NMRK1: variants seen among roughly 807,000 people sequenced by gnomAD.
The protein encoded by NMRK1 is nicotinamide riboside kinase 1.
In NMRK1, 28 loss-of-function variants were observed where a neutral mutation model predicts 29.9. The ratio of observed to expected loss-of-function variants is 0.94; its 90% CI spans 0.69 to 1.28. NMRK1 has a LOEUF of 1.28. NMRK1 is among the 50% of genes most tolerant of loss of function. The pLI, the probability that NMRK1 is intolerant of heterozygous loss-of-function variation, is 0.00. For synonymous variants in NMRK1, 58 were observed against 73.0 expected (o/e 0.79, Z 1.05); for missense variants, 218 against 233.1 (o/e 0.94, Z 0.42).
In NMRK1 at chr9:75,068,993, T is replaced by TA. The variant is rs1167667359; in HGVS notation, c.496+2dup. 3 of 1,606,300 alleles carry TA rather than the reference T, an allele frequency of 1.9e-6. No individual in the cohort carries two copies. The highest frequency in any genetic ancestry group is 2.2e-5 in the South Asian group (2 of 90,908). ...CTTGAACAGAAGGAGAAAAGGCACT[T>TA]ACCAACTTCCCATGTGATGTCCTGC... is the stretch of plus-strand genomic sequence containing the variant. On this transcript the variant is annotated splice_region_variant and intron_variant, in intron 7 of 8. Coordinates refer to ENST00000361092, the MANE Select transcript of NMRK1 (RefSeq NM_017881.3).
At chr9:75,072,862 G>GA (rs965595127) in intron 4 of NMRK1, among the ~76,000 whole-genome samples, 4 of 150,932 alleles carry the variant, frequency 2.7e-5, no homozygotes, top group African/African-American at 4.9e-5. Flanking sequence ...ATGTACTCAA[G>GA]AAAAAAAAAT....
chr9:75,062,081 T>C (rs1298247089), intron 8 of NMRK1, among the ~76,000 whole-genome samples: 1 of 152,198 alleles, frequency 6.6e-6, no homozygotes, highest in Non-Finnish European at 1.5e-5. Context: ...ATGTAAAATG[T>C]AAAAATGATT....
At position 75,069,309 on chromosome 9, in the gene NMRK1, CACTG is replaced by C. The variant is rs1344469972; in HGVS notation, c.390-211_390-208del. ...TGATATTAAAATTAACTTTGTAATC[CACTG>C]ACTATCATTCTTAATTATTCTTTTT... On this transcript the variant is annotated intron_variant, in intron 6 of 8. Transcript: ENST00000361092. 5 of 540,518 alleles carry C rather than the reference CACTG, an allele frequency of 9.3e-6. No individual in the cohort carries two copies. The Admixed American group carries it at 1.3e-4, about 14-fold the overall frequency. 33.5% of individuals were successfully genotyped at this position (540,518 alleles called of 1,614,324 possible).
intron 4 of NMRK1, among the ~76,000 whole-genome samples, chr9:75,071,947 C>T (rs1823724096): frequency 6.6e-6 from 1 of 152,194 alleles, no homozygotes; most frequent in African/African-American, 2.4e-5. Flanking sequence ...TTCCACTGAT[C>T]CAACCCCCAT....
At chr9:75,064,387 G>T (rs1489877810) in intron 8 of NMRK1, among the ~76,000 whole-genome samples, 1 of 152,100 alleles carries the variant, frequency 6.6e-6, no homozygotes, top group Middle Eastern at 3.2e-3. Context: ...ATAACTCTCA[G>T]AGAAGTGGCT....
intron 2 of NMRK1, among the ~76,000 whole-genome samples, chr9:75,081,070 T>G (rs1824293876): frequency 6.6e-6 from 1 of 152,216 alleles, no homozygotes; most frequent in South Asian, 2.1e-4. Context: ...GTGTTAAATT[T>G]CCAGGAAGTT....
At chr9:75,069,169 G>T in intron 6 of NMRK1, 67 bp from the exon 7 acceptor site, 2 of 1,134,584 alleles carry the variant, frequency 1.8e-6, no homozygotes, top group Non-Finnish European at 2.7e-6. Context: ...AATATGAATG[G>T]TCAGGATAAT....
chr9:75,083,228 G>C (rs1824422282), intron 1 of NMRK1, 78 bp from the exon 2 acceptor site: 1 of 754,192 alleles, frequency 1.3e-6, no homozygotes, highest in African/African-American at 1.7e-5. Flanking sequence ...TCCTAAATTA[G>C]GAGCACCAGC....
Position 75,061,535 on chromosome 9 carries a change from TTG to T in NMRK1, c.*11_*12del. 1 of 1,608,146 alleles carries T rather than the reference TTG, an allele frequency of 6.2e-7. No individual in the cohort carries two copies. Among genetic ancestry groups the T allele is most frequent in the Non-Finnish European group, 8.5e-7 (1 of 1,175,766 alleles). On this transcript the variant is annotated 3_prime_UTR_variant, in exon 9 of 9. Coordinates refer to ENST00000361092, the MANE Select transcript of NMRK1 (RefSeq NM_017881.3). ...CCTAATTCACTTCAGGAAGGATTTG[TTG>T]TGTTCCGTCTTTATGCTGTCACTTG...
rs948605634 is a variant in NMRK1 at position 75,061,311 on chromosome 9, G to A, written c.*237C>T. On this transcript the variant is annotated 3_prime_UTR_variant, in exon 9 of 9. Transcript: ENST00000361092. ...GTGGAGACTTTCTGACTCACTGTGA[G>A]CTCTGCTGTATCTATGCGCTCCCTG... The A allele has an allele frequency of 6.7e-6, 3 of 445,810 alleles. No homozygotes were observed. The highest frequency in any genetic ancestry group is 7.9e-5 in the Admixed American group (2 of 25,382). The allele number at this position is 445,810 out of a possible 1,614,324, so 27.6% of individuals were successfully genotyped here. A position where few individuals can be genotyped will look rare whatever the true frequency, so the allele number is the denominator to read the frequency against.
In NMRK1 at chr9:75,069,068, A is replaced by G. The variant is rs1231337734; in HGVS notation, c.424T>C (p.Tyr142His). 1.9e-6 allele frequency: 3 copies of G among 1,614,170 alleles called. No individual in the cohort carries two copies. Among genetic ancestry groups the G allele is most frequent in the East Asian group, 2.2e-5 (1 of 44,886 alleles). Residue 142 changes from tyrosine (Y) to histidine (H), a missense_variant, in exon 7 of 9, where the codon TAC becomes CAC. Coordinates refer to ENST00000361092, the MANE Select transcript of NMRK1 (RefSeq NM_017881.3). ...ATGGGCCACACATGGCCATCAAAGTATCCCGGAGAGTCTGGAGGCTGATAG... is the reference window on the plus strand; with the variant it reads ...ATGGGCCACACATGGCCATCAAAGTGTCCCGGAGAGTCTGGAGGCTGATAG... ...RVYQPPDSPGYFDGHVWPMYL... is the reference protein window; with the variant it reads ...RVYQPPDSPGHFDGHVWPMYL...
chr9:75,061,297 C>G lies in NMRK1; in HGVS notation c.*251G>C. The G allele has an allele frequency of 2.4e-6, 1 of 422,614 alleles. No homozygotes were observed. Among genetic ancestry groups the G allele is most frequent in the Non-Finnish European group, 4.2e-6 (1 of 238,208 alleles). The allele number at this position is 422,614 out of a possible 1,614,324, so 26.2% of individuals were successfully genotyped here. A position where few individuals can be genotyped will look rare whatever the true frequency, so the allele number is the denominator to read the frequency against. On this transcript the variant is annotated 3_prime_UTR_variant, in exon 9 of 9. Transcript: ENST00000361092. ...GCTATGTTCAGAAAGTGGAGACTTT[C>G]TGACTCACTGTGAGCTCTGCTGTAT...
intron 1 of NMRK1, among the ~76,000 whole-genome samples, chr9:75,084,084 A>G (rs957610313): frequency 1.3e-5 from 2 of 152,218 alleles, no homozygotes; most frequent in African/African-American, 4.8e-5. Flanking sequence ...ATGCCTCCCT[A>G]ACGTTCACTA....
chr9:75,073,587 A>T (rs1302832625), intron 4 of NMRK1, among the ~76,000 whole-genome samples: 1 of 152,054 alleles, frequency 6.6e-6, no homozygotes, highest in Non-Finnish European at 1.5e-5. Flanking sequence ...TTAAAAAAAA[A>T]AATTAGTCAG....
chr9:75,060,774 T>A lies in NMRK1; in HGVS notation c.*774A>T, dbSNP rs1822974793. ...GACCACTGGTTTGACAAAAACAAAA[T>A]GAACCACGAGGGGGGAGAAAGAAAC... is the stretch of plus-strand genomic sequence containing the variant. On this transcript the variant is annotated 3_prime_UTR_variant, in exon 9 of 9. Coordinates refer to ENST00000361092, the MANE Select transcript of NMRK1 (RefSeq NM_017881.3). 1 of 147,976 alleles carries A rather than the reference T, an allele frequency of 6.8e-6. No homozygotes were observed. Among genetic ancestry groups the A allele is most frequent in the South Asian group, 2.1e-4 (1 of 4,704 alleles). The allele number at this position is 147,976 out of a possible 1,614,324, so 9.2% of individuals were successfully genotyped here.
intron 8 of NMRK1, among the ~76,000 whole-genome samples, chr9:75,064,990 C>T (rs950144907): frequency 2.0e-5 from 3 of 152,120 alleles, no homozygotes; most frequent in African/African-American, 7.2e-5. Context: ...CCTGCTTTCT[C>T]TTTGGGAAAT....
In NMRK1 at chr9:75,061,462, G is replaced by C; in HGVS notation, c.*86C>G. Reference sequence around the variant, plus strand: ...AAACAATGGCTGTCATTGTACCACAGTATACATTGTATCTTGGTGAAGGTT... The same window carrying C: ...AAACAATGGCTGTCATTGTACCACACTATACATTGTATCTTGGTGAAGGTT... On this transcript the variant is annotated 3_prime_UTR_variant, in exon 9 of 9. Coordinates refer to ENST00000361092, the MANE Select transcript of NMRK1 (RefSeq NM_017881.3). 1 of 967,644 alleles carries C rather than the reference G, an allele frequency of 1.0e-6. No individual in the cohort carries two copies. Among genetic ancestry groups the C allele is most frequent in the Non-Finnish European group, 1.6e-6 (1 of 611,180 alleles). The allele number at this position is 967,644 out of a possible 1,614,324, so 59.9% of individuals were successfully genotyped here. A position where few individuals can be genotyped will look rare whatever the true frequency, so the allele number is the denominator to read the frequency against.
At position 75,077,219 on chromosome 9, in the gene NMRK1, A is replaced by G. The variant is rs1428805118; in HGVS notation, c.121-12T>C. On this transcript the variant is annotated splice_polypyrimidine_tract_variant and intron_variant, in intron 3 of 8. Coordinates refer to ENST00000361092, the MANE Select transcript of NMRK1 (RefSeq NM_017881.3). ...ATCTCAGACTCTGGCTGGAAAAATA[A>G]TAAAGTACCCATCAAAACAGTGTGT... 11 of 1,576,750 alleles carry G rather than the reference A, an allele frequency of 7.0e-6. No individual in the cohort carries two copies. In the East Asian group the frequency reaches 1.6e-4, roughly 22 times the overall value.
Position 75,061,146 on chromosome 9 carries a change from C to A in NMRK1, c.*402G>T, listed in dbSNP as rs1822999045. ...TTGATGTATGTATGTATCACACACA[C>A]ACATACACACCTACACACAAATACA... On this transcript the variant is annotated 3_prime_UTR_variant, in exon 9 of 9. Coordinates refer to ENST00000361092, the MANE Select transcript of NMRK1 (RefSeq NM_017881.3). 5.4e-6 allele frequency: 1 copy of A among 183,578 alleles called. No individual in the cohort carries two copies. Among genetic ancestry groups the A allele is most frequent in the Non-Finnish European group, 1.1e-5 (1 of 87,292 alleles). The allele number at this position is 183,578 out of a possible 1,614,324, so 11.4% of individuals were successfully genotyped here. A position where few individuals can be genotyped will look rare whatever the true frequency, so the allele number is the denominator to read the frequency against.
Sources: gnomAD v4.1 joint callset for allele counts (sites outside exome capture counted in the v4.1 genomes callset) on GRCh38, gnomAD v4.1.1 for gene constraint, MANE v1.5 for transcripts, NCBI Gene and HGNC (gene_info 2026-07-23, HGNC 2026-07-21) for gene names.